The following TRAPPC11 variants were observed in gnomAD, a reference collection of about 807,000 sequenced individuals.
TRAPPC11 encodes the protein foie gras homolog.
Under a neutral mutation model 151.2 loss-of-function variants are expected in TRAPPC11, and 104 were observed. That is an observed-to-expected ratio of 0.69 (90% CI 0.59 to 0.81). The LOEUF (loss-of-function observed/expected upper bound fraction) is 0.81. Ranked by LOEUF, TRAPPC11 falls within the 30% of genes least tolerant of loss-of-function variation. TRAPPC11 has a pLI of 0.00. For synonymous variants in TRAPPC11, 456 were observed against 472.3 expected, an observed-to-expected ratio of 0.97 and a Z score of 0.45; for missense variants, 1,230 against 1,349.6, an observed-to-expected ratio of 0.91 and a Z score of 1.39.
chr4:183,705,096 T>C (rs201543353), intron 27 of TRAPPC11, 26 bp downstream of exon 27: 4 of 1,427,194 alleles, frequency 2.8e-6, no homozygotes, highest in Non-Finnish European at 3.9e-6. Context: ...TTTTACTTGA[T>C]AAGAAGGACC....
At chr4:183,660,777 G>A (rs191315404) in intron 1 of TRAPPC11, among the ~76,000 whole-genome samples, 2 of 152,100 alleles carry the variant, frequency 1.3e-5, no homozygotes, top group East Asian at 1.9e-4. Flanking sequence ...GCAGTGGTGC[G>A]ATCTCGGCTC....
At chr4:183,664,710 C>G (rs925808302) in intron 2 of TRAPPC11, among the ~76,000 whole-genome samples, 12 of 152,070 alleles carry the variant, frequency 7.9e-5, no homozygotes, top group African/African-American at 2.4e-4. Flanking sequence ...AAACAGTTTA[C>G]TGTTTTAAGC....
chr4:183,690,599 A>G (rs924367687), intron 18 of TRAPPC11, among the ~76,000 whole-genome samples: 1 of 152,212 alleles, frequency 6.6e-6, no homozygotes, highest in Non-Finnish European at 1.5e-5. Flanking sequence ...ACTAGCAACA[A>G]TGGTATGGTG....
intron 22 of TRAPPC11, 100 bp downstream of exon 22, chr4:183,694,138 T>G: frequency 7.8e-7 from 1 of 1,276,740 alleles, no homozygotes; most frequent in South Asian, 1.5e-5. Context: ...ACGCATATTC[T>G]AGGACTGAAA....
intron 10 of TRAPPC11, among the ~76,000 whole-genome samples, chr4:183,680,810 A>G (rs1445410355): frequency 1.3e-5 from 2 of 149,940 alleles, no homozygotes; most frequent in Non-Finnish European, 2.9e-5. Context: ...CTCCTGCCAC[A>G]ATCTCCTGAG....
intron 5 of TRAPPC11, among the ~76,000 whole-genome samples, chr4:183,670,545 GA>G (rs1735101519): frequency 1.3e-5 from 2 of 152,150 alleles, no homozygotes; most frequent in Admixed American, 1.3e-4. Context: ...CTTCTCAAAG[GA>G]AAGTTGTGCT....
At chr4:183,683,111 C>T (rs537976924) in intron 11 of TRAPPC11, among the ~76,000 whole-genome samples, 11 of 148,868 alleles carry the variant, frequency 7.4e-5, no homozygotes, top group African/African-American at 2.7e-4. Context: ...CACCTGTGAA[C>T]AGCCACTGCA....
In TRAPPC11 at chr4:183,708,438, A is replaced by G; in HGVS notation, c.3221A>G (p.Gln1074Arg). Residue 1074 changes from glutamine (Q) to arginine (R), a missense_variant, in exon 29 of 30, where the codon CAG (glutamine) becomes CGG (arginine). Physicochemically the swap from Gln to Arg is conservative, Grantham distance 43 (BLOSUM62 1). Coordinates refer to ENST00000334690, the MANE Select transcript of TRAPPC11 (RefSeq NM_021942.6). Reference protein sequence around the residue: ...IRLRILPGTEQEMLYNFYPLM... With the variant: ...IRLRILPGTEREMLYNFYPLM... ...TTACGTATCCTCCCTGGCACGGAGC[A>G]GGAAATGCTATATAATTTCTATCCT... 6.2e-6 allele frequency: 10 copies of G among 1,613,950 alleles called. No homozygotes were observed. The highest frequency in any genetic ancestry group is 8.5e-6 in the Non-Finnish European group (10 of 1,179,956).
intron 17 of TRAPPC11, 131 bp downstream of exon 17, chr4:183,685,534 A>ATT: frequency 3.8e-6 from 4 of 1,054,986 alleles, no homozygotes; most frequent in Non-Finnish European, 5.3e-6. Flanking sequence ...AGATAAACTG[A>ATT]TTTTTTTTTG....
At chr4:183,694,836 C>A in intron 23 of TRAPPC11, 113 bp downstream of exon 23, 1 of 1,075,468 alleles carries the variant, frequency 9.3e-7, no homozygotes, top group Non-Finnish European at 1.3e-6. Flanking sequence ...TGCTTATAGT[C>A]TGTTATAAAT....
At chr4:183,688,215 A>G (rs918849573) in intron 18 of TRAPPC11, among the ~76,000 whole-genome samples, 3 of 152,212 alleles carry the variant, frequency 2.0e-5, no homozygotes, top group Admixed American at 6.5e-5. Context: ...ATGAAGACTA[A>G]ATTACGTAGT....
chr4:183,706,737 T>C, intron 27 of TRAPPC11, 70 bp from the exon 28 acceptor site: 1 of 1,525,486 alleles, frequency 6.6e-7, no homozygotes, highest in Non-Finnish European at 8.9e-7. Context: ...ATGAGATTCA[T>C]TTACAAAACG....
chr4:183,690,435 T>A (rs1259579851), intron 18 of TRAPPC11, among the ~76,000 whole-genome samples: 8 of 152,210 alleles, frequency 5.3e-5, no homozygotes, highest in Non-Finnish European at 2.9e-5. Flanking sequence ...CCTTTACTCA[T>A]CTATGAGGAT....
chr4:183,710,624 C>T (rs911079162), intron 29 of TRAPPC11, among the ~76,000 whole-genome samples: 1 of 151,918 alleles, frequency 6.6e-6, no homozygotes, highest in Admixed American at 6.6e-5. Flanking sequence ...TGTTTAACTG[C>T]AGGGATCCTT....
At position 183,667,042 on chromosome 4, in the gene TRAPPC11, C is replaced by A. The variant is rs1734917933; in HGVS notation, c.375-18C>A. 6.3e-7 allele frequency: 1 copy of A among 1,582,558 alleles called. No homozygotes were observed. The highest frequency in any genetic ancestry group is 1.3e-5 in the African/African-American group (1 of 74,506). On this transcript the variant is annotated intron_variant, in intron 3 of 29. Transcript: ENST00000334690. ...TTAAGTTAAAATAATTAATTTTATT[C>A]TTGCTTTTTCATTGCAGGCAAAGTT...
chr4:183,698,509 T>A (rs1397430385), intron 25 of TRAPPC11, among the ~76,000 whole-genome samples: 1 of 152,224 alleles, frequency 6.6e-6, no homozygotes, highest in Non-Finnish European at 1.5e-5. Context: ...CTGAACTAGA[T>A]TCAGTTCTCA....
intron 10 of TRAPPC11, 69 bp downstream of exon 10, chr4:183,680,336 G>A: frequency 1.4e-6 from 2 of 1,441,630 alleles, no homozygotes; most frequent in Non-Finnish European, 1.8e-6. Flanking sequence ...AGCTAGAACT[G>A]ATTGGTGTTG....
chr4:183,668,199 T>TA (rs1243952217), intron 5 of TRAPPC11, 82 bp downstream of exon 5: 2 of 739,720 alleles, frequency 2.7e-6, no homozygotes, highest in Non-Finnish European at 4.5e-6. Context: ...TTTATTTTTT[T>TA]AAAAAATCAT....
chr4:183,679,573 AC>A (rs1735576335), intron 9 of TRAPPC11, 87 bp downstream of exon 9: 2 of 1,235,940 alleles, frequency 1.6e-6, no homozygotes, highest in Non-Finnish European at 2.2e-6. Flanking sequence ...CTAAAACTGA[AC>A]CAGGTTTTTT....
Sources: allele counts gnomAD v4.1 joint callset (sites outside exome capture counted in the v4.1 genomes callset), GRCh38; gene constraint gnomAD v4.1.1; transcripts MANE v1.5; gene names NCBI Gene and HGNC (gene_info 2026-07-23, HGNC 2026-07-21).